DYNC2I2: variants seen among roughly 807,000 people sequenced by gnomAD.
The protein encoded by DYNC2I2 is cytoplasmic dynein 2 intermediate chain 2.
In DYNC2I2, 39 loss-of-function variants were observed where a neutral mutation model predicts 52.0. The ratio of observed to expected loss-of-function variants is 0.75; its 90% CI spans 0.58 to 0.98. DYNC2I2 has a LOEUF of 0.98. Ranked by LOEUF, DYNC2I2 falls within the 50% of genes least tolerant of loss-of-function variation. The probability of loss-of-function intolerance (pLI) is 0.00; values close to 1 mark genes in which losing one functional copy is unlikely to be tolerated. For missense variants in DYNC2I2, 743 were observed against 728.4 expected (o/e 1.02, Z -0.23); for synonymous variants, 359 against 321.1 (o/e 1.12, Z -1.26).
Position 128,643,885 on chromosome 9 carries a change from C to T in DYNC2I2, c.187-2946G>A, listed in dbSNP as rs1011927456. Among the ~76,000 whole-genome samples, 5 of 152,234 alleles carry T rather than the reference C, an allele frequency of 3.3e-5. 1 individual carries two copies. Among genetic ancestry groups the T allele is most frequent in the African/African-American group, 1.2e-4 (5 of 41,540 alleles). Reference sequence around the variant, plus strand: ...CCCACGGGGAGGCACCAAGTATTCCCGGGGGAGGTCACAAAGCTCTGGAGA... The same window carrying T: ...CCCACGGGGAGGCACCAAGTATTCCTGGGGGAGGTCACAAAGCTCTGGAGA... On this transcript the variant is annotated intron_variant, in intron 1 of 8. Transcript: ENST00000372715.
intron 1 of DYNC2I2, among the ~76,000 whole-genome samples, chr9:128,648,868 C>T (rs929172991): frequency 1.3e-5 from 2 of 151,600 alleles, no homozygotes; most frequent in Non-Finnish European, 2.9e-5. Flanking sequence ...GAGGCACTCA[C>T]TTAGAGGCCC....
At chr9:128,653,989 TG>T (rs1297983654) in intron 1 of DYNC2I2, among the ~76,000 whole-genome samples, 1 of 152,148 alleles carries the variant, frequency 6.6e-6, no homozygotes, top group Non-Finnish European at 1.5e-5. Context: ...CCAGCCTGGG[TG>T]GCAAAGCCAG....
At chr9:128,636,865 A>C in intron 3 of DYNC2I2, 53 bp downstream of exon 3, 1 of 1,398,086 alleles carries the variant, frequency 7.2e-7, no homozygotes, top group East Asian at 2.3e-5. Flanking sequence ...GACAAGGCCC[A>C]AGGAGGGTCC....
intron 1 of DYNC2I2, 112 bp from the exon 2 acceptor site, chr9:128,641,051 G>T: frequency 7.0e-7 from 1 of 1,436,002 alleles, no homozygotes; most frequent in South Asian, 1.5e-5. Flanking sequence ...GTGGGTCTCA[G>T]GCTAGGGGCC....
the DYNC2I2 span, among the ~76,000 whole-genome samples, chr9:128,684,195 G>A: frequency 5.3e-5 from 8 of 152,052 alleles, no homozygotes; most frequent in Non-Finnish European, 1.2e-4. Flanking sequence ...GGGAGTGCAC[G>A]GGAGCTCATC....
chr9:128,665,498 G>A, the DYNC2I2 span, among the ~76,000 whole-genome samples: 6 of 152,152 alleles, frequency 3.9e-5, no homozygotes, highest in East Asian at 9.6e-4. Flanking sequence ...GACCAGGCGC[G>A]GTGGTTCACA....
chr9:128,640,845 G>C lies in DYNC2I2; in HGVS notation c.281C>G (p.Pro94Arg). ...CTGGGACGGGGGCTGCACGCTGACAGGCACGGGGGCCTCCGTCTGCACCTG... is the reference window on the plus strand; with the variant it reads ...CTGGGACGGGGGCTGCACGCTGACACGCACGGGGGCCTCCGTCTGCACCTG... ...DAQVQTEAPVPVSVQPPSQYD... is the reference protein window; with the variant it reads ...DAQVQTEAPVRVSVQPPSQYD... The change falls in exon 2 of 9, where the codon CCT becomes CGT. Residue 94 changes from proline (P) to arginine (R), a missense_variant. Pro to Arg is a moderately radical substitution (Grantham distance 103). Coordinates refer to ENST00000372715, the MANE Select transcript of DYNC2I2 (RefSeq NM_052844.4). 1 of 1,613,954 alleles carries C rather than the reference G, an allele frequency of 6.2e-7. No individual in the cohort carries two copies. The highest frequency in any genetic ancestry group is 8.5e-7 in the Non-Finnish European group (1 of 1,179,968).
At chr9:128,681,759 C>T in the DYNC2I2 span, among the ~76,000 whole-genome samples, 1 of 152,014 alleles carries the variant, frequency 6.6e-6, no homozygotes, top group Non-Finnish European at 1.5e-5. Flanking sequence ...CCTTTGTGAC[C>T]CCCAGACAAG....
chr9:128,645,752 C>T (rs1262009992), intron 1 of DYNC2I2, among the ~76,000 whole-genome samples: 1 of 151,770 alleles, frequency 6.6e-6, no homozygotes, highest in Non-Finnish European at 1.5e-5. Flanking sequence ...GTGAGGAGGG[C>T]ATGTTGAAAG....
chr9:128,656,623 G>C lies in DYNC2I2; in HGVS notation c.104C>G (p.Pro35Arg), dbSNP rs771382594. ...CAGGGTCTCGTCCTGCAGCGGCCCTGGCCGCCCCGGCCCCGGGCCGCTCGC... is the reference window on the plus strand; with the variant it reads ...CAGGGTCTCGTCCTGCAGCGGCCCTCGCCGCCCCGGCCCCGGGCCGCTCGC... ...GVASGPGPGRPGPLQDETLGV... is the reference protein window; with the variant it reads ...GVASGPGPGRRGPLQDETLGV... Residue 35 changes from proline (P) to arginine (R), a missense_variant, in exon 1 of 9, where the codon CCA (proline) becomes CGA (arginine). Coordinates refer to ENST00000372715, the MANE Select transcript of DYNC2I2 (RefSeq NM_052844.4). The C allele has an allele frequency of 2.0e-6, 3 of 1,498,350 alleles. No individual in the cohort carries two copies. Among genetic ancestry groups the C allele is most frequent in the Non-Finnish European group, 2.7e-6 (3 of 1,131,562 alleles). 92.8% of individuals were successfully genotyped at this position (1,498,350 alleles called of 1,614,324 possible).
upstream of DYNC2I2, among the ~76,000 whole-genome samples, chr9:128,660,020 T>TTGCGCCAC (rs1472729162): frequency 3.3e-5 from 5 of 150,992 alleles, no homozygotes. Flanking sequence ...TGAGCCATGA[T>TTGCGCCAC]TGCGCCACTG....
intron 1 of DYNC2I2, among the ~76,000 whole-genome samples, chr9:128,655,368 G>A (rs1205636792): frequency 4.2e-4 from 17 of 40,376 alleles, no homozygotes; most frequent in African/African-American, 8.6e-4. Flanking sequence ...AAAATTAGCC[G>A]GGCGTGGTGG....
chr9:128,681,658 T>G, the DYNC2I2 span, among the ~76,000 whole-genome samples: 1 of 152,328 alleles, frequency 6.6e-6, no homozygotes, highest in Non-Finnish European at 1.5e-5. Flanking sequence ...TTTTCCACCT[T>G]AGTTGTACCA....
At chr9:128,646,048 G>C (rs1860611765) in intron 1 of DYNC2I2, among the ~76,000 whole-genome samples, 1 of 152,210 alleles carries the variant, frequency 6.6e-6, no homozygotes, top group African/African-American at 2.4e-5. Context: ...AGCCAGCAGA[G>C]GTTGGCTCAT....
chr9:128,658,253 C>T (rs572059143), upstream of DYNC2I2, among the ~76,000 whole-genome samples: 8 of 151,656 alleles, frequency 5.3e-5, no homozygotes, highest in Non-Finnish European at 1.0e-4. Context: ...GCAACCTCCA[C>T]CTCCCCAGTT....
chr9:128,643,264 T>C (rs1261439654), intron 1 of DYNC2I2, among the ~76,000 whole-genome samples: 1 of 151,918 alleles, frequency 6.6e-6, no homozygotes, highest in African/African-American at 2.4e-5. Flanking sequence ...CAGTGGCTCA[T>C]GCCTGTAATC....
At chr9:128,671,140 C>T in the DYNC2I2 span, among the ~76,000 whole-genome samples, 1 of 150,314 alleles carries the variant, frequency 6.7e-6, no homozygotes, top group African/African-American at 2.4e-5. Flanking sequence ...AGTCAAGAAA[C>T]ACATGAAGAA....
intron 1 of DYNC2I2, among the ~76,000 whole-genome samples, chr9:128,645,052 TGAAAGTAA>T (rs1251916851): frequency 6.6e-6 from 1 of 152,064 alleles, no homozygotes; most frequent in Non-Finnish European, 1.5e-5. Flanking sequence ...AAGACAATAT[TGAAAGTAA>T]GCCAATTAGG....
chr9:128,678,772 A>G, the DYNC2I2 span, among the ~76,000 whole-genome samples: 1 of 150,814 alleles, frequency 6.6e-6, no homozygotes, highest in African/African-American at 2.4e-5. Flanking sequence ...AGGTAATCTT[A>G]TAATAAAACA....
Sources: gnomAD v4.1 joint callset for allele counts (sites outside exome capture counted in the v4.1 genomes callset) on GRCh38, gnomAD v4.1.1 for gene constraint, MANE v1.5 for transcripts, NCBI Gene and HGNC (gene_info 2026-07-23, HGNC 2026-07-21) for gene names.